Variants in VSTM4 observed in about 807,000 individuals in gnomAD.
VSTM4 encodes the protein V-set and transmembrane domain containing 4.
VSTM4 carries 20 observed loss-of-function variants against 36.4 expected under a neutral mutation model. That is an observed-to-expected ratio of 0.55 (90% confidence interval 0.39 to 0.80). The LOEUF (loss-of-function observed/expected upper bound fraction) is 0.80, where lower values mean the gene tolerates loss of function less well. Ranked by LOEUF, VSTM4 falls within the 30% of genes least tolerant of loss-of-function variation. VSTM4 has a pLI of 0.00. For synonymous variants in VSTM4, 182 were observed against 173.9 expected, an observed-to-expected ratio of 1.05 and a Z score of -0.37; for missense variants, 392 against 404.5, an observed-to-expected ratio of 0.97 and a Z score of 0.26.
intron 2 of VSTM4, chr10:49,103,508 A>G (rs970930337): frequency 4.8e-6 from 6 of 1,240,276 alleles, no homozygotes; most frequent in Non-Finnish European, 6.1e-6. Flanking sequence ...GAACTATATT[A>G]CACTATATTA....
chr10:49,062,502 C>T (rs990777659), intron 5 of VSTM4, among the ~76,000 whole-genome samples: 1 of 152,300 alleles, frequency 6.6e-6, no homozygotes, highest in Middle Eastern at 3.4e-3. Flanking sequence ...TTTCCTTCTG[C>T]CCTTCATGGA....
intron 2 of VSTM4, 141 bp from the exon 3 acceptor site, chr10:49,086,164 G>A (rs1479428744): frequency 1.9e-6 from 1 of 523,074 alleles, no homozygotes. Context: ...GGGGTGCAAG[G>A]ACTTTACCTA....
intron 5 of VSTM4, among the ~76,000 whole-genome samples, chr10:49,057,539 G>A (rs2131970534): frequency 6.6e-6 from 1 of 152,310 alleles, no homozygotes; most frequent in East Asian, 1.9e-4. Flanking sequence ...ACCTGACACT[G>A]AAGCTGTCGG....
intron 3 of VSTM4, among the ~76,000 whole-genome samples, chr10:49,083,354 C>T (rs1030207288): frequency 6.6e-6 from 1 of 152,114 alleles, no homozygotes; most frequent in South Asian, 2.1e-4. Flanking sequence ...TGAACTAAGC[C>T]CCAGGAGGAT....
At chr10:49,034,462 C>T (rs114913178) in intron 7 of VSTM4, among the ~76,000 whole-genome samples, 2,494 of 152,334 alleles carry the variant, frequency 0.016, 56 homozygotes, top group African/African-American at 0.057. Context: ...TCTATGAACA[C>T]TCTCACGATA....
At chr10:49,106,169 A>G (rs1844778914) in intron 2 of VSTM4, among the ~76,000 whole-genome samples, 1 of 152,230 alleles carries the variant, frequency 6.6e-6, no homozygotes. Flanking sequence ...TATGTCCCTT[A>G]TTCATATAGG....
intron 5 of VSTM4, 115 bp downstream of exon 5, chr10:49,064,588 G>C: frequency 1.1e-5 from 13 of 1,223,450 alleles, no homozygotes; most frequent in African/African-American, 1.5e-5. Context: ...CATATTTGTG[G>C]ACAAATATGC....
At chr10:49,078,105 A>T (rs1167118548) in intron 3 of VSTM4, among the ~76,000 whole-genome samples, 2 of 152,246 alleles carry the variant, frequency 1.3e-5, no homozygotes, top group Admixed American at 1.3e-4. Context: ...ATGCAACTAC[A>T]GTAAAATATC....
At chr10:49,094,787 T>C (rs7101339) in intron 2 of VSTM4, among the ~76,000 whole-genome samples, 18,314 of 151,734 alleles carry the variant, frequency 0.12, 1,724 homozygotes, top group African/African-American at 0.26. Flanking sequence ...TGGCAGGGGG[T>C]GGGGGGCGTG....
chr10:49,072,788 G>A (rs1435257342), intron 4 of VSTM4, among the ~76,000 whole-genome samples: 1 of 152,190 alleles, frequency 6.6e-6, no homozygotes, highest in Admixed American at 6.5e-5. Flanking sequence ...GGCTGAGAGT[G>A]GCACTACCTT....
Position 49,077,405 on chromosome 10 carries a change from T to C in VSTM4, c.527-79A>G, listed in dbSNP as rs969564126. Reference sequence around the variant, plus strand: ...TGCGCTGGCAAGAGAACAATCAGAATTGGAATATTTGAAATCCCAGTGCTA... The same window carrying C: ...TGCGCTGGCAAGAGAACAATCAGAACTGGAATATTTGAAATCCCAGTGCTA... On this transcript the variant is annotated intron_variant, in intron 3 of 7. Coordinates refer to ENST00000332853, the MANE Select transcript of VSTM4 (RefSeq NM_001031746.5). 10 of 1,315,704 alleles carry C rather than the reference T, an allele frequency of 7.6e-6. No homozygotes were observed. The African/African-American group carries it at 1.5e-4, about 19-fold the overall frequency. The allele number at this position is 1,315,704 out of a possible 1,614,324, so 81.5% of individuals were successfully genotyped here.
intron 4 of VSTM4, among the ~76,000 whole-genome samples, chr10:49,071,460 G>T (rs905496548): frequency 2.0e-5 from 3 of 152,234 alleles, no homozygotes; most frequent in Admixed American, 2.0e-4. Context: ...GAGACTTGAG[G>T]CTCAGGAGGG....
At chr10:49,107,492 G>A in intron 2 of VSTM4, 102 bp downstream of exon 2, 2 of 1,439,004 alleles carry the variant, frequency 1.4e-6, no homozygotes, top group Non-Finnish European at 1.9e-6. Context: ...ATATGTTCTA[G>A]TGCAACACAG....
intron 4 of VSTM4, 139 bp downstream of exon 4, chr10:49,077,080 C>T: frequency 1.2e-6 from 1 of 808,420 alleles, no homozygotes; most frequent in Non-Finnish European, 2.0e-6. Context: ...AGCTTGCTCA[C>T]TTTGCCCACA....
chr10:49,071,568 C>T (rs1403591686), intron 4 of VSTM4, among the ~76,000 whole-genome samples: 1 of 152,186 alleles, frequency 6.6e-6, no homozygotes, highest in Non-Finnish European at 1.5e-5. Context: ...CAGTGCCAGG[C>T]TTGGGGTGAG....
intron 7 of VSTM4, among the ~76,000 whole-genome samples, chr10:49,032,116 C>A (rs1250027698): frequency 6.6e-6 from 1 of 152,176 alleles, no homozygotes; most frequent in Non-Finnish European, 1.5e-5. Flanking sequence ...TATAAGGTAT[C>A]ATCAATTTGG....
chr10:49,055,033 T>A (rs145279832), intron 5 of VSTM4, among the ~76,000 whole-genome samples: 27 of 152,286 alleles, frequency 1.8e-4, no homozygotes, highest in African/African-American at 6.3e-4. Flanking sequence ...TAGATGCCCC[T>A]CCTCCTGGGC....
chr10:49,074,182 A>C (rs1303143497), intron 4 of VSTM4, among the ~76,000 whole-genome samples: 1 of 152,252 alleles, frequency 6.6e-6, no homozygotes, highest in African/African-American at 2.4e-5. Context: ...AAGAGGTGTA[A>C]TACTAGAATT....
chr10:49,093,438 A>C (rs977204561), intron 2 of VSTM4, among the ~76,000 whole-genome samples: 1 of 152,220 alleles, frequency 6.6e-6, no homozygotes, highest in African/African-American at 2.4e-5. Context: ...TCAATGTAGA[A>C]AATGATGTGC....
Sources: gnomAD v4.1 joint callset for allele counts (sites outside exome capture counted in the v4.1 genomes callset) on GRCh38, gnomAD v4.1.1 for gene constraint, MANE v1.5 for transcripts, NCBI Gene and HGNC (gene_info 2026-07-23, HGNC 2026-07-21) for gene names.